Variants in HSPA4 observed in about 807,000 individuals in gnomAD.
The protein encoded by HSPA4 is heat shock protein family A (Hsp70) member 4.
In HSPA4, 25 loss-of-function variants were observed where a neutral mutation model predicts 106.2. The ratio of observed to expected loss-of-function variants is 0.24; its 90% CI spans 0.17 to 0.33. The LOEUF is 0.33. Among genes scored for constraint, HSPA4 ranks in the 10% least tolerant of loss-of-function variants. The pLI is 1.00. For synonymous variants in HSPA4, 332 were observed against 333.6 expected (o/e 1.00, Z 0.05); for missense variants, 841 against 996.0 (o/e 0.84, Z 2.10).
At chr5:133,057,627 GTTTCT>G (rs1581463054) in intron 1 of HSPA4, among the ~76,000 whole-genome samples, 1 of 152,174 alleles carries the variant, frequency 6.6e-6, no homozygotes, top group African/African-American at 2.4e-5. Flanking sequence ...TCGGTCAGTA[GTTTCT>G]TTTAAGAAAA....
rs1359729108 is a variant in HSPA4 at position 133,104,641 on chromosome 5, A to G, written c.*205A>G. 1 of 552,390 alleles carries G rather than the reference A, an allele frequency of 1.8e-6. No homozygotes were observed. The highest frequency in any genetic ancestry group is 1.9e-5 in the African/African-American group (1 of 52,866). The allele number at this position is 552,390 out of a possible 1,614,324, so 34.2% of individuals were successfully genotyped here. On this transcript the variant is annotated 3_prime_UTR_variant, in exon 19 of 19. Coordinates refer to ENST00000304858, the MANE Select transcript of HSPA4 (RefSeq NM_002154.4). The stretch of plus-strand genomic sequence containing the variant: ...AAATTAAGTGCATTGTATCTTTTTC[A>G]TAATGGTACTATTTAGAAGCCCAGT...
intron 12 of HSPA4, among the ~76,000 whole-genome samples, 153 bp downstream of exon 12, chr5:133,091,527 A>G (rs1318208996): frequency 6.6e-6 from 1 of 152,140 alleles, no homozygotes; most frequent in East Asian, 1.9e-4. Flanking sequence ...ATATAAGTGA[A>G]CCAGCAGTAG....
intron 3 of HSPA4, 63 bp downstream of exon 3, chr5:133,067,620 T>G: frequency 7.4e-7 from 1 of 1,360,044 alleles, no homozygotes. Context: ...CAGTTCAATA[T>G]CTATCTGTAC....
intron 1 of HSPA4, among the ~76,000 whole-genome samples, chr5:133,057,227 C>T (rs1765176155): frequency 6.6e-6 from 1 of 152,154 alleles, no homozygotes; most frequent in Admixed American, 6.5e-5. Flanking sequence ...TATTTCCATT[C>T]TAGTTTTGCC....
chr5:133,070,251 T>C (rs113754247), intron 3 of HSPA4, 123 bp from the exon 4 acceptor site: 2 of 950,770 alleles, frequency 2.1e-6, no homozygotes, highest in South Asian at 1.5e-5. Flanking sequence ...TTTTTTTTTT[T>C]TCAATCCCCT....
chr5:133,063,962 A>T (rs1765276794), intron 1 of HSPA4, among the ~76,000 whole-genome samples: 1 of 151,484 alleles, frequency 6.6e-6, no homozygotes, highest in South Asian at 2.1e-4. Flanking sequence ...GGGTTTCACC[A>T]TGTTGGCCTG....
intron 2 of HSPA4, 109 bp from the exon 3 acceptor site, chr5:133,067,308 A>G (rs1456060453): frequency 3.2e-6 from 3 of 946,152 alleles, no homozygotes; most frequent in Admixed American, 5.4e-5. Context: ...ACCAAAACCA[A>G]GAAGGAGACT....
At position 133,073,275 on chromosome 5, in the gene HSPA4, G is replaced by A. The variant is rs61755724; in HGVS notation, c.475G>A (p.Ala159Thr). 0.021 allele frequency: 34,177 copies of A among 1,611,220 alleles called. 439 individuals are homozygous for A. The highest frequency in any genetic ancestry group is 0.028 in the Middle Eastern group (171 of 6,058). Residue 159 changes from alanine to threonine, a missense_variant, in exon 5 of 19, where the codon GCA becomes ACA. By Grantham distance (58) the Ala-to-Thr change is moderately conservative. Coordinates refer to ENST00000304858, the MANE Select transcript of HSPA4 (RefSeq NM_002154.4). ...TDAERRSVMD[A>T]TQIAGLNCLR... is the part of the protein sequence containing the mutation. ...TGCAGAAAGACGATCAGTGATGGAT[G>A]CAACACAGATTGCTGGTCTTAATTG...
rs559176701 is a variant in HSPA4 at position 133,085,900 on chromosome 5, C to T, written c.909-882C>T. Among the ~76,000 whole-genome samples the T allele has an allele frequency of 2.6e-5, 4 of 152,294 alleles. No individual in the cohort carries two copies. In the East Asian group the frequency reaches 7.7e-4, roughly 29 times the overall value. On this transcript the variant is annotated intron_variant, in intron 7 of 18. Transcript: ENST00000304858. Reference sequence around the variant, plus strand: ...AACACTAATAGGAACTATCATTTATCAGCATTGACTCATTAATTGTAACAA... The same window carrying T: ...AACACTAATAGGAACTATCATTTATTAGCATTGACTCATTAATTGTAACAA...
At chr5:133,083,737 G>A (rs917256296) in intron 7 of HSPA4, among the ~76,000 whole-genome samples, 3 of 151,920 alleles carry the variant, frequency 2.0e-5, no homozygotes, top group African/African-American at 4.8e-5. Flanking sequence ...TTGTTTCTCC[G>A]TGTTGGTCAG....
intron 1 of HSPA4, 135 bp from the exon 2 acceptor site, chr5:133,064,845 T>C (rs1051910077): frequency 1.2e-5 from 9 of 779,898 alleles, no homozygotes; most frequent in Non-Finnish European, 1.9e-5. Flanking sequence ...ATTTACTCAA[T>C]AGAAAGGTCA....
chr5:133,096,368 T>G, intron 14 of HSPA4, 118 bp downstream of exon 14: 2 of 924,354 alleles, frequency 2.2e-6, no homozygotes, highest in African/African-American at 1.7e-5. Flanking sequence ...AGAAAATAAA[T>G]TAGACTTTTG....
At chr5:133,096,307 T>C in intron 14 of HSPA4, 57 bp downstream of exon 14, 3 of 1,494,046 alleles carry the variant, frequency 2.0e-6, no homozygotes, top group Non-Finnish European at 2.8e-6. Flanking sequence ...TACCATAGTA[T>C]TCAGACTCTG....
rs966310480 is a variant in HSPA4, at chr5:133,084,775, T to A, written c.909-2007T>A. Reference sequence around the variant, plus strand: ...ATGAGCCACCGCACCCAGCCTACTATTCTTTTTTATTGAGATGTAATTTAA... The same window carrying A: ...ATGAGCCACCGCACCCAGCCTACTAATCTTTTTTATTGAGATGTAATTTAA... On this transcript the variant is annotated intron_variant, in intron 7 of 18. Transcript: ENST00000304858. Among the ~76,000 whole-genome samples the A allele has an allele frequency of 2.6e-5, 4 of 152,276 alleles. 1 individual carries two copies. Among genetic ancestry groups the A allele is most frequent in the Admixed American group, 6.5e-5 (1 of 15,294 alleles).
intron 13 of HSPA4, among the ~76,000 whole-genome samples, chr5:133,095,522 T>C (rs1198535354): frequency 2.0e-5 from 3 of 152,052 alleles, no homozygotes. Flanking sequence ...GTGGAATGAG[T>C]TTTTTCCTTG....
intron 8 of HSPA4, among the ~76,000 whole-genome samples, chr5:133,087,614 T>C (rs1172542419): frequency 2.0e-5 from 3 of 152,090 alleles, no homozygotes; most frequent in Non-Finnish European, 4.4e-5. Flanking sequence ...TACCTGTAGT[T>C]TATTTTTTAT....
intron 12 of HSPA4, among the ~76,000 whole-genome samples, chr5:133,092,018 T>C (rs1765653501): frequency 6.6e-6 from 1 of 152,146 alleles, no homozygotes; most frequent in African/African-American, 2.4e-5. Context: ...CACTGCACTC[T>C]AGCCTATGTG....
At chr5:133,071,988 C>A (rs907708212) in intron 4 of HSPA4, among the ~76,000 whole-genome samples, 2 of 152,172 alleles carry the variant, frequency 1.3e-5, no homozygotes, top group African/African-American at 4.8e-5. Flanking sequence ...TTCCATTCCT[C>A]CATCTAGTGC....
intron 4 of HSPA4, among the ~76,000 whole-genome samples, chr5:133,070,909 A>C (rs1561578626): frequency 6.6e-6 from 1 of 152,126 alleles, no homozygotes; most frequent in Non-Finnish European, 1.5e-5. Flanking sequence ...TTTCAAAGAA[A>C]AAAAAAATTT....
Sources: allele counts gnomAD v4.1 joint callset (sites outside exome capture counted in the v4.1 genomes callset), GRCh38; gene constraint gnomAD v4.1.1; transcripts MANE v1.5; gene names NCBI Gene and HGNC (gene_info 2026-07-23, HGNC 2026-07-21).